Variants in TCF12 observed in about 807,000 individuals in gnomAD.
TCF12 encodes the protein transcription factor 12, also known as DNA-binding protein HTF4.
In TCF12, 45 loss-of-function variants were observed where a neutral mutation model predicts 86.0. That is an observed-to-expected ratio of 0.52 (90% CI 0.41 to 0.67). The LOEUF (loss-of-function observed/expected upper bound fraction) is 0.67. Among genes scored for constraint, TCF12 ranks in the 30% least tolerant of loss-of-function variants. The probability of loss-of-function intolerance (pLI) is 0.00; values close to 1 mark genes in which losing one functional copy is unlikely to be tolerated. For synonymous variants in TCF12, 330 were observed against 299.6 expected (o/e 1.10, Z -1.05); for missense variants, 881 against 859.9 (o/e 1.02, Z -0.31).
At chr15:57,218,068 T>C (rs2058405715) in intron 8 of TCF12, among the ~76,000 whole-genome samples, 1 of 152,216 alleles carries the variant, frequency 6.6e-6, no homozygotes, top group Non-Finnish European at 1.5e-5. Flanking sequence ...TAGTTGCCCT[T>C]ATTGTCTGAT....
At chr15:57,239,679 T>A (rs2059532304) in intron 12 of TCF12, among the ~76,000 whole-genome samples, 1 of 152,194 alleles carries the variant, frequency 6.6e-6, no homozygotes, top group Admixed American at 6.5e-5. Flanking sequence ...CATGTGCCTG[T>A]CCCAGAAACA....
chr15:57,212,587 C>T (rs1332706508), intron 8 of TCF12, among the ~76,000 whole-genome samples: 3 of 151,910 alleles, frequency 2.0e-5, no homozygotes, highest in African/African-American at 4.8e-5. Flanking sequence ...CTTGATTTTT[C>T]CTTTTAAGAG....
intron 3 of TCF12, among the ~76,000 whole-genome samples, chr15:56,996,434 G>T (rs2063717294): frequency 6.6e-6 from 1 of 152,140 alleles, no homozygotes. Context: ...TTAATAACTG[G>T]CTATCCATAT....
At chr15:57,042,092 G>A (rs1306860154) in intron 3 of TCF12, among the ~76,000 whole-genome samples, 7 of 152,028 alleles carry the variant, frequency 4.6e-5, no homozygotes, top group Admixed American at 6.6e-5. Flanking sequence ...AACTACAAAA[G>A]TACCTTTTAC....
At chr15:57,179,993 T>C (rs1289985122) in intron 6 of TCF12, among the ~76,000 whole-genome samples, 1 of 152,210 alleles carries the variant, frequency 6.6e-6, no homozygotes, top group Non-Finnish European at 1.5e-5. Flanking sequence ...TAACTGTAGT[T>C]TGCATCACTA....
intron 8 of TCF12, among the ~76,000 whole-genome samples, chr15:57,224,650 G>GA (rs770463604): frequency 1.3e-5 from 2 of 152,064 alleles, no homozygotes; most frequent in Non-Finnish European, 2.9e-5. Flanking sequence ...ATTTTCCCTG[G>GA]AAAATAAACA....
intron 19 of TCF12, among the ~76,000 whole-genome samples, chr15:57,277,802 C>G (rs2431031): frequency 0.99 from 149,899 of 151,804 alleles, 74,042 homozygotes; most frequent in Middle Eastern, 1. Context: ...AGCTGGATGT[C>G]TTGGCTCATA....
At chr15:57,032,339 C>T (rs746929598) in intron 3 of TCF12, among the ~76,000 whole-genome samples, 7 of 152,236 alleles carry the variant, frequency 4.6e-5, no homozygotes, top group Non-Finnish European at 8.8e-5. Context: ...CATATTGGAA[C>T]TTGCAGACTG....
At chr15:57,102,566 C>T (rs1384086810) in intron 5 of TCF12, among the ~76,000 whole-genome samples, 1 of 151,400 alleles carries the variant, frequency 6.6e-6, no homozygotes, top group East Asian at 1.9e-4. Flanking sequence ...TGACTGCACT[C>T]CAGCTTGGGT....
intron 6 of TCF12, among the ~76,000 whole-genome samples, chr15:57,170,777 TAA>T (rs1491250517): frequency 6.9e-3 from 25 of 3,644 alleles, no homozygotes; most frequent in Non-Finnish European, 0.014. Flanking sequence ...ATATTATATA[TAA>T]TATATATATA....
chr15:57,139,846 A>C (rs925300265), intron 5 of TCF12, among the ~76,000 whole-genome samples: 2 of 152,212 alleles, frequency 1.3e-5, no homozygotes, highest in Admixed American at 1.3e-4. Context: ...GAAGATCTGG[A>C]AATTACAGTA....
chr15:57,096,404 A>G (rs1173631916), intron 5 of TCF12, among the ~76,000 whole-genome samples: 1 of 152,086 alleles, frequency 6.6e-6, no homozygotes, highest in Non-Finnish European at 1.5e-5. Context: ...TAAAGGAAAA[A>G]AAAAAGATCA....
intron 18 of TCF12, among the ~76,000 whole-genome samples, chr15:57,266,037 A>T (rs1407438281): frequency 6.6e-6 from 1 of 152,122 alleles, no homozygotes; most frequent in African/African-American, 2.4e-5. Context: ...CAAGCAAATT[A>T]TGGCCCATGG....
chr15:57,127,815 C>A (rs1345456237), intron 5 of TCF12, among the ~76,000 whole-genome samples: 1 of 151,976 alleles, frequency 6.6e-6, no homozygotes, highest in Non-Finnish European at 1.5e-5. Flanking sequence ...CATGTAGGGT[C>A]CTGTTTTGAT....
At chr15:57,220,445 A>G (rs1456442306) in intron 8 of TCF12, among the ~76,000 whole-genome samples, 6 of 152,178 alleles carry the variant, frequency 3.9e-5, no homozygotes, top group Non-Finnish European at 5.9e-5. Context: ...TCTGTTTCCA[A>G]TCAAACTAGA....
chr15:56,928,094 A>C (rs2060094610), intron 3 of TCF12, among the ~76,000 whole-genome samples: 1 of 152,210 alleles, frequency 6.6e-6, no homozygotes, highest in Non-Finnish European at 1.5e-5. Context: ...AATTGGGCTC[A>C]GGAGCCAGAC....
rs75199336 is a variant in TCF12 at position 57,288,850 on chromosome 15, A to C, written c.*2705A>C. On this transcript the variant is annotated 3_prime_UTR_variant, in exon 21 of 21. Coordinates refer to ENST00000333725, the MANE Select transcript of TCF12 (RefSeq NM_207037.2). ...AATGAAGAAGATGGAAAAAGACTCA[A>C]AAGAGGCTTTTTAAGTTATTCTTCA... 2 of 152,226 alleles carry C rather than the reference A, an allele frequency of 1.3e-5. No individual in the cohort carries two copies. The highest frequency in any genetic ancestry group is 1.5e-5 in the Non-Finnish European group (1 of 68,044). The allele number at this position is 152,226 out of a possible 1,614,324, so 9.4% of individuals were successfully genotyped here.
At chr15:57,265,647 A>T (rs1395955476) in intron 18 of TCF12, among the ~76,000 whole-genome samples, 1 of 152,226 alleles carries the variant, frequency 6.6e-6, no homozygotes, top group African/African-American at 2.4e-5. Context: ...CCAGAAATGT[A>T]CTGTAGGGAC....
At chr15:56,925,476 A>G (rs1291007946) in intron 3 of TCF12, among the ~76,000 whole-genome samples, 1 of 152,206 alleles carries the variant, frequency 6.6e-6, no homozygotes, top group Non-Finnish European at 1.5e-5. Flanking sequence ...GAAGATAAAG[A>G]TGAAGATATC....
Sources: allele counts gnomAD v4.1 joint callset (sites outside exome capture counted in the v4.1 genomes callset), GRCh38; gene constraint gnomAD v4.1.1; transcripts MANE v1.5; gene names NCBI Gene and HGNC (gene_info 2026-07-23, HGNC 2026-07-21).